DTWD2: variants seen among roughly 807,000 people sequenced by gnomAD.
The protein encoded by DTWD2 is DTW motif tRNA-uridine aminocarboxypropyltransferase 2, also known as tRNA-uridine aminocarboxypropyltransferase 2.
In DTWD2, 39 loss-of-function variants were observed where a neutral mutation model predicts 31.8. The observed-to-expected ratio is 1.22, with a 90% CI of 0.95 to 1.60. DTWD2 has a LOEUF of 1.60. Ranked by LOEUF, DTWD2 falls within the 40% of genes most tolerant of loss-of-function variation. The pLI is 0.00. For missense variants in DTWD2, 515 were observed against 381.5 expected, an observed-to-expected ratio of 1.35 and a Z score of -2.92; for synonymous variants, 180 against 142.8, an observed-to-expected ratio of 1.26 and a Z score of -1.86.
chr5:118,854,749 TG>T (rs1049119416), intron 4 of DTWD2, among the ~76,000 whole-genome samples: 55 of 152,212 alleles, frequency 3.6e-4, no homozygotes, highest in African/African-American at 1.2e-3. Flanking sequence ...CTTGATACTA[TG>T]GGAAACTAGT....
intron 1 of DTWD2, among the ~76,000 whole-genome samples, chr5:118,978,170 T>C (rs1044207747): frequency 2.6e-5 from 4 of 151,986 alleles, no homozygotes; most frequent in Non-Finnish European, 4.4e-5. Context: ...GCTAGCCATA[T>C]GCAGCAGAAA....
At chr5:118,957,644 C>CA (rs1754616720) in intron 1 of DTWD2, among the ~76,000 whole-genome samples, 1 of 152,078 alleles carries the variant, frequency 6.6e-6, no homozygotes, top group African/African-American at 2.4e-5. Context: ...GGCAGCCTCC[C>CA]ACAAAGGAAT....
At chr5:118,925,037 A>T (rs1753780065) in intron 4 of DTWD2, among the ~76,000 whole-genome samples, 1 of 152,194 alleles carries the variant, frequency 6.6e-6, no homozygotes. Context: ...TCTCATCTAA[A>T]AACAATGTCT....
At chr5:118,920,115 G>C (rs931712276) in intron 4 of DTWD2, among the ~76,000 whole-genome samples, 1 of 151,966 alleles carries the variant, frequency 6.6e-6, no homozygotes, top group African/African-American at 2.4e-5. Context: ...ACCTGTCCCT[G>C]GTGCCAAAAA....
chr5:118,969,227 T>A (rs1012044678), intron 1 of DTWD2, among the ~76,000 whole-genome samples: 3 of 151,978 alleles, frequency 2.0e-5, no homozygotes, highest in Non-Finnish European at 4.4e-5. Flanking sequence ...TATTTGCAGT[T>A]CAGCCAACTT....
rs147240027 is a variant in DTWD2, at chr5:118,953,604, G to T, written c.219-8955C>A. On this transcript the variant is annotated intron_variant, in intron 1 of 5. Coordinates refer to ENST00000510708, the MANE Select transcript of DTWD2 (RefSeq NM_173666.4). Reference sequence around the variant, plus strand: ...AGACCCTATGGGGACACCATACTTTGGACTTCCCTAAATTGGAACCCTAGA... The same window carrying T: ...AGACCCTATGGGGACACCATACTTTTGACTTCCCTAAATTGGAACCCTAGA... Among the ~76,000 whole-genome samples, 653 of 152,264 alleles carry T rather than the reference G, an allele frequency of 4.3e-3. 5 individuals are homozygous for T. Among genetic ancestry groups the T allele is most frequent in the Non-Finnish European group, 7.1e-3 (486 of 68,014 alleles).
At chr5:118,918,325 T>G (rs938225390) in intron 4 of DTWD2, among the ~76,000 whole-genome samples, 1 of 151,056 alleles carries the variant, frequency 6.6e-6, no homozygotes, top group African/African-American at 2.4e-5. Context: ...ATCAGTCAGG[T>G]TTTTTTTTAT....
At chr5:118,907,362 G>C (rs755844723) in intron 4 of DTWD2, among the ~76,000 whole-genome samples, 16 of 152,080 alleles carry the variant, frequency 1.1e-4, no homozygotes, top group Non-Finnish European at 1.8e-4. Flanking sequence ...GAGAGAGAAA[G>C]AGATTTCTTA....
intron 4 of DTWD2, among the ~76,000 whole-genome samples, chr5:118,921,077 C>A (rs1753692077): frequency 6.6e-6 from 1 of 152,048 alleles, no homozygotes; most frequent in Non-Finnish European, 1.5e-5. Flanking sequence ...ATCATACACC[C>A]AATGGAAGCA....
intron 5 of DTWD2, among the ~76,000 whole-genome samples, chr5:118,846,920 GCACACACACACACACACACACACA>G (rs144531960): frequency 1.5e-5 from 2 of 134,870 alleles, no homozygotes; most frequent in Non-Finnish European, 3.2e-5. Flanking sequence ...AAACACACAG[GCACACACACACACACACACACACA>G]CACACACACA....
At chr5:118,880,840 T>C (rs1350733838) in intron 4 of DTWD2, among the ~76,000 whole-genome samples, 1 of 152,182 alleles carries the variant, frequency 6.6e-6, no homozygotes, top group Non-Finnish European at 1.5e-5. Context: ...TTTGAAGAAG[T>C]ATTTTGTTTG....
chr5:118,868,230 G>C (rs1451767955), intron 4 of DTWD2, among the ~76,000 whole-genome samples: 2 of 151,506 alleles, frequency 1.3e-5, no homozygotes, highest in East Asian at 3.9e-4. Context: ...ATGTTGTTGG[G>C]CCCTTAGCTT....
At chr5:118,884,033 A>G (rs1752801319) in intron 4 of DTWD2, among the ~76,000 whole-genome samples, 1 of 152,184 alleles carries the variant, frequency 6.6e-6, no homozygotes, top group Non-Finnish European at 1.5e-5. Flanking sequence ...CTGTAGATAC[A>G]ATTTTGCAGT....
intron 3 of DTWD2, among the ~76,000 whole-genome samples, chr5:118,931,473 G>A: frequency 6.6e-6 from 1 of 150,380 alleles, no homozygotes; most frequent in East Asian, 1.9e-4. Context: ...GACATCAGAA[G>A]GAAACTTATG....
At chr5:118,862,861 A>G (rs1184828370) in intron 4 of DTWD2, among the ~76,000 whole-genome samples, 1 of 152,240 alleles carries the variant, frequency 6.6e-6, no homozygotes, top group Non-Finnish European at 1.5e-5. Flanking sequence ...ATTTTGGTTA[A>G]TGAGACATAA....
intron 4 of DTWD2, among the ~76,000 whole-genome samples, chr5:118,856,102 C>A (rs1024209389): frequency 6.6e-6 from 1 of 152,098 alleles, no homozygotes; most frequent in African/African-American, 2.4e-5. Flanking sequence ...AGTTCACTTA[C>A]GGATGTCCAT....
At position 118,944,616 on chromosome 5, in the gene DTWD2, G is replaced by A. The variant is rs761946577; in HGVS notation, c.252C>T (p.Leu84=). Residue 84 remains leucine, a synonymous_variant, in exon 2 of 6, where the codon CTC becomes CTT. Transcript: ENST00000510708. ...TAGAGATATGCAGAGGGTGCGCTGG[G>A]AGAAATGGACACAAACACACTTTCT... ...RPQKVCLCPF[L]PAHPLHISTH... 22 of 1,613,432 alleles carry A rather than the reference G, an allele frequency of 1.4e-5. No homozygotes were observed. The highest frequency in any genetic ancestry group is 1.8e-5 in the Non-Finnish European group (21 of 1,179,782).
rs1393443895 is a variant in DTWD2, at chr5:118,913,396, T to C, written c.597+15141A>G. 2.9e-5 allele frequency among the ~76,000 whole-genome samples: 4 copies of C among 137,060 alleles called. No homozygotes were observed. The South Asian group carries it at 7.4e-4, about 25-fold the overall frequency. The allele number at this position is 137,060 out of a possible 152,430, so 89.9% of individuals were successfully genotyped here. On this transcript the variant is annotated intron_variant, in intron 4 of 5. Transcript: ENST00000510708. Reference sequence around the variant, plus strand: ...TCCATAATCACATGAACCATATATATATAGATATATATAGATATATATAGA... The same window carrying C: ...TCCATAATCACATGAACCATATATACATAGATATATATAGATATATATAGA...
chr5:118,843,371 G>GAGGAAGGGAGGAAGGGAGGAAGGA (rs754423234), intron 5 of DTWD2, among the ~76,000 whole-genome samples: 2 of 143,638 alleles, frequency 1.4e-5, no homozygotes, highest in Non-Finnish European at 3.0e-5. Flanking sequence ...GGGAGGAAGG[G>GAGGAAGGGAGGAAGGGAGGAAGGA]AGGAAGGAAG....
Sources: allele counts gnomAD v4.1 joint callset (sites outside exome capture counted in the v4.1 genomes callset), GRCh38; gene constraint gnomAD v4.1.1; transcripts MANE v1.5; gene names NCBI Gene and HGNC (gene_info 2026-07-23, HGNC 2026-07-21).